ASB8: variants seen among roughly 807,000 people sequenced by gnomAD.
The protein encoded by ASB8 is ankyrin repeat and SOCS box protein 8.
A neutral mutation model predicts 22.9 loss-of-function variants in ASB8; 15 were observed. The ratio of observed to expected loss-of-function variants is 0.66; its 90% CI spans 0.44 to 1.01. ASB8 has a LOEUF of 1.01. ASB8 is among the 50% of genes least tolerant of loss of function. The pLI, the probability that ASB8 is intolerant of heterozygous loss-of-function variation, is 0.00. For synonymous variants in ASB8, 124 were observed against 140.8 expected, an observed-to-expected ratio of 0.88 and a Z score of 0.84; for missense variants, 294 against 356.9, an observed-to-expected ratio of 0.82 and a Z score of 1.42.
In ASB8 at chr12:48,151,255, G is replaced by A. The variant is rs1342052658; in HGVS notation, c.180C>T (p.Ala60=). Residue 60 remains alanine (A), a synonymous_variant, in exon 3 of 4, where the codon GCC becomes GCT. Transcript: ENST00000317697. ...CACAGTCAGCATCTGACACCATACA[G>A]GCACAGTGCAAGGGCTTCAGTGTGC... ...THGTLKPLHC[A]CMVSDADCVE... is the part of the protein sequence containing the mutation. 1.9e-6 allele frequency: 3 copies of A among 1,614,026 alleles called. No homozygotes were observed. The highest frequency in any genetic ancestry group is 1.7e-6 in the Non-Finnish European group (2 of 1,179,870).
chr12:48,156,073 G>A (rs1179182173), intron 1 of ASB8, among the ~76,000 whole-genome samples: 6 of 151,816 alleles, frequency 4.0e-5, no homozygotes, highest in East Asian at 3.9e-4. Context: ...CACCATGCCC[G>A]GCCTATTTTT....
At position 48,149,982 on chromosome 12, in the gene ASB8, C is replaced by A. The variant is rs200494247; in HGVS notation, c.251G>T (p.Gly84Val). Reference sequence around the variant, plus strand: ...ATAGTGGAGGGCTGTTCGGTTATACCCATCCAGGGCATTCACCTGTAAAAA... The same window carrying A: ...ATAGTGGAGGGCTGTTCGGTTATACACATCCAGGGCATTCACCTGTAAAAA... Reference protein sequence around the residue: ...EKGAEVNALDGYNRTALHYAA... With the variant: ...EKGAEVNALDVYNRTALHYAA... Residue 84 changes from glycine to valine, a missense_variant, in exon 4 of 4, where the codon GGG becomes GTG. Physicochemically the swap from Gly to Val is moderately radical, Grantham distance 109. Coordinates refer to ENST00000317697, the MANE Select transcript of ASB8 (RefSeq NM_024095.5). 1.4e-5 allele frequency: 22 copies of A among 1,613,056 alleles called. No individual in the cohort carries two copies. The highest frequency in any genetic ancestry group is 1.9e-5 in the Non-Finnish European group (22 of 1,179,348).
Position 48,149,032 on chromosome 12 carries a change from T to G in ASB8, c.*334A>C. 2 of 291,836 alleles carry G rather than the reference T, an allele frequency of 6.9e-6. No individual in the cohort carries two copies. Among genetic ancestry groups the G allele is most frequent in the Non-Finnish European group, 6.4e-6 (1 of 155,174 alleles). 18.1% of individuals were successfully genotyped at this position (291,836 alleles called of 1,614,324 possible). On this transcript the variant is annotated 3_prime_UTR_variant, in exon 4 of 4. Transcript: ENST00000317697. ...TCCCCAAAGGAAAACCACACACACA[T>G]TATTTAAGTACTTTCCATCTTCCTA... is the stretch of plus-strand genomic sequence containing the variant.
chr12:48,151,803 G>T, intron 2 of ASB8: 1 of 412,558 alleles, frequency 2.4e-6, no homozygotes, highest in Non-Finnish European at 4.5e-6. Flanking sequence ...CTTCAAAGTA[G>T]CCTCTTAGTA....
chr12:48,153,615 C>T (rs1951239705), intron 1 of ASB8, 86 bp from the exon 2 acceptor site: 1 of 1,038,512 alleles, frequency 9.6e-7, no homozygotes, highest in Admixed American at 2.5e-5. Context: ...CTTCCCAATG[C>T]TAAAAGCAGA....
chr12:48,150,075 G>A (rs1951175251), intron 3 of ASB8, 77 bp from the exon 4 acceptor site: 2 of 1,485,092 alleles, frequency 1.3e-6, no homozygotes, highest in Admixed American at 3.4e-5. Context: ...AGCTTGCATG[G>A]TTACCCACTA....
rs747238908 is a variant in ASB8 at position 48,151,200 on chromosome 12, C to A, written c.234+1G>T. ...TAATGTGAATGTGTTAAAAACATTA[C>A]CTCGGCTCCTTTTTCCAGAAGTAAC... On this transcript the variant is annotated splice_donor_variant, in intron 3 of 3. Coordinates refer to ENST00000317697, the MANE Select transcript of ASB8 (RefSeq NM_024095.5). LOFTEE classifies it high-confidence loss of function. 1 of 1,604,634 alleles carries A rather than the reference C, an allele frequency of 6.2e-7. No homozygotes were observed. The highest frequency in any genetic ancestry group is 1.1e-5 in the South Asian group (1 of 90,922).
intron 2 of ASB8, chr12:48,151,534 T>C: frequency 1.4e-6 from 2 of 1,413,398 alleles, no homozygotes; most frequent in South Asian, 2.5e-5. Context: ...GTTACTAAGT[T>C]TCTCCACAAG....
At chr12:48,156,244 C>T (rs2136083981) in intron 1 of ASB8, among the ~76,000 whole-genome samples, 1 of 152,224 alleles carries the variant, frequency 6.6e-6, no homozygotes, top group African/African-American at 2.4e-5. Context: ...GTATTTTTCT[C>T]CCGTTATCAT....
At position 48,149,314 on chromosome 12, in the gene ASB8, G is replaced by A. The variant is rs1951154587; in HGVS notation, c.*52C>T. 1.9e-6 allele frequency: 3 copies of A among 1,543,852 alleles called. No individual in the cohort carries two copies. The South Asian group carries it at 3.6e-5, about 18-fold the overall frequency. Reference sequence around the variant, plus strand: ...GTTTTCTGTGACAAGGAGTACTGCAGGGACAACCTCACCCAGAGCTGCCTG... The same window carrying A: ...GTTTTCTGTGACAAGGAGTACTGCAAGGACAACCTCACCCAGAGCTGCCTG... On this transcript the variant is annotated 3_prime_UTR_variant, in exon 4 of 4. Coordinates refer to ENST00000317697, the MANE Select transcript of ASB8 (RefSeq NM_024095.5).
At position 48,150,194 on chromosome 12, in the gene ASB8, C is replaced by CT. The variant is rs745581701; in HGVS notation, c.235-197dup. ...AGCTTAGGAGCAAAAAGGAAAAGAACTGTCCTCAAACAGTCAACACTATTA... is the reference window on the plus strand; with the variant it reads ...AGCTTAGGAGCAAAAAGGAAAAGAACTTGTCCTCAAACAGTCAACACTATTA... On this transcript the variant is annotated intron_variant, in intron 3 of 3. Coordinates refer to ENST00000317697, the MANE Select transcript of ASB8 (RefSeq NM_024095.5). 7.1e-5 allele frequency: 51 copies of CT among 718,130 alleles called. No individual in the cohort carries two copies. In the East Asian group the frequency reaches 9.1e-4, roughly 13 times the overall value. 44.5% of individuals were successfully genotyped at this position (718,130 alleles called of 1,614,324 possible).
rs1169059800 is a variant in ASB8 at position 48,149,264 on chromosome 12, A to C, written c.*102T>G. 1 of 1,296,324 alleles carries C rather than the reference A, an allele frequency of 7.7e-7. No individual in the cohort carries two copies. The highest frequency in any genetic ancestry group is 1.5e-5 in the African/African-American group (1 of 67,132). The allele number at this position is 1,296,324 out of a possible 1,614,324, so 80.3% of individuals were successfully genotyped here. ...CATGTTGCTTCGAAATCTATAAACC[A>C]CACAACAGGAACAACTGTTTTTCTG... On this transcript the variant is annotated 3_prime_UTR_variant, in exon 4 of 4. Transcript: ENST00000317697.
chr12:48,151,382 A>G (rs1285624383), intron 2 of ASB8, 77 bp from the exon 3 acceptor site: 17 of 1,214,270 alleles, frequency 1.4e-5, no homozygotes, highest in Admixed American at 2.2e-5. Context: ...AACTGAGTCC[A>G]GGGGACAGAG....
rs1268272706 is a variant in ASB8, at chr12:48,151,402, TCTCA to T, written c.130-101_130-98del. The T allele has an allele frequency of 1.4e-5, 15 of 1,073,666 alleles. No homozygotes were observed. The African/African-American group carries it at 2.2e-4, about 16-fold the overall frequency. 66.5% of individuals were successfully genotyped at this position (1,073,666 alleles called of 1,614,324 possible). On this transcript the variant is annotated intron_variant, in intron 2 of 3. Coordinates refer to ENST00000317697, the MANE Select transcript of ASB8 (RefSeq NM_024095.5). ...AGTCCAGGGGACAGAGAGTTCTAAC[TCTCA>T]CTATTTTATAGATACAGTGCTAGTT... is the stretch of plus-strand genomic sequence containing the variant.
chr12:48,154,804 G>T (rs1034291675), intron 1 of ASB8, among the ~76,000 whole-genome samples: 1 of 152,094 alleles, frequency 6.6e-6, no homozygotes. Flanking sequence ...AGCTGGGCAT[G>T]GTGGCGCACG....
In ASB8 at chr12:48,149,920, A is replaced by G. The variant is rs922407088; in HGVS notation, c.313T>C (p.Leu105=). The G allele has an allele frequency of 6.8e-6, 11 of 1,614,156 alleles. No homozygotes were observed. The highest frequency in any genetic ancestry group is 9.3e-6 in the Non-Finnish European group (11 of 1,179,978). Reference sequence around the variant, plus strand: ...GCATTGGGGTTTGCACCATACTCCAATAGGACCTCCACACAAGCCTCATCT... The same window carrying G: ...GCATTGGGGTTTGCACCATACTCCAGTAGGACCTCCACACAAGCCTCATCT... The part of the protein sequence containing the change: ...EKDEACVEVL[L]EYGANPNALD... Residue 105 remains leucine, a synonymous_variant, in exon 4 of 4, where the codon TTG becomes CTG. Coordinates refer to ENST00000317697, the MANE Select transcript of ASB8 (RefSeq NM_024095.5).
intron 2 of ASB8, chr12:48,151,743 T>A: frequency 1.3e-6 from 1 of 750,736 alleles, no homozygotes; most frequent in East Asian, 6.2e-5. Flanking sequence ...CAAATGACCA[T>A]CATTAATAGT....
chr12:48,154,429 C>A (rs768385084), intron 1 of ASB8, among the ~76,000 whole-genome samples: 1 of 132,680 alleles, frequency 7.5e-6, no homozygotes, highest in Non-Finnish European at 1.5e-5. Flanking sequence ...TGCAGTGAGC[C>A]GAGATCGGGC....
chr12:48,154,130 A>C (rs1001833642), intron 1 of ASB8, among the ~76,000 whole-genome samples: 8 of 152,200 alleles, frequency 5.3e-5, no homozygotes, highest in Admixed American at 4.6e-4. Context: ...GAGCAAATAT[A>C]TCTTAATAAT....
Sources: gnomAD v4.1 joint callset for allele counts (sites outside exome capture counted in the v4.1 genomes callset) on GRCh38, gnomAD v4.1.1 for gene constraint, MANE v1.5 for transcripts, NCBI Gene and HGNC (gene_info 2026-07-23, HGNC 2026-07-21) for gene names.